PLAC1: variants seen among roughly 807,000 people sequenced by gnomAD.
PLAC1 encodes the protein placenta-specific protein 1.
For missense variants in PLAC1, 136 were observed against 163.2 expected (o/e 0.83, Z 0.91); for synonymous variants, 68 against 62.1 (o/e 1.09, Z -0.44).
At chrX:134,636,839 G>A (rs2078285627) in intron 1 of PLAC1, among the ~76,000 whole-genome samples, 2 of 112,090 alleles carry the variant, frequency 1.8e-5, no homozygotes, top group African/African-American at 3.2e-5. Context: ...TAAATGATGT[G>A]TTACCCTACA....
chrX:134,692,904 T>C (rs1312167259), intron 2 of PLAC1, among the ~76,000 whole-genome samples: 1 of 111,771 alleles, frequency 8.9e-6, no homozygotes, highest in Non-Finnish European at 1.9e-5. Context: ...GCAATCGGTG[T>C]CAACAATGTT....
intron 2 of PLAC1, among the ~76,000 whole-genome samples, chrX:134,576,139 T>C (rs1342947451): frequency 1.8e-5 from 2 of 108,806 alleles, no homozygotes; most frequent in Non-Finnish European, 3.8e-5. Context: ...ATGTATTCTA[T>C]ATCTATGTAT....
chrX:134,761,814 G>A (rs973912536), intron 1 of PLAC1, among the ~76,000 whole-genome samples: 1 of 111,667 alleles, frequency 9.0e-6, no homozygotes, highest in South Asian at 3.7e-4. Context: ...ATACAGAAGC[G>A]GACAAATTTA....
chrX:134,594,039 GT>G (rs1246593195), intron 2 of PLAC1, among the ~76,000 whole-genome samples: 1 of 111,004 alleles, frequency 9.0e-6, no homozygotes, highest in South Asian at 3.8e-4. Flanking sequence ...AGTTGTAGGG[GT>G]TTTTTTGCAG....
chrX:134,736,190 C>T (rs868438066), intron 1 of PLAC1, among the ~76,000 whole-genome samples: 25 of 109,911 alleles, frequency 2.3e-4, no homozygotes, highest in South Asian at 1.2e-3. Flanking sequence ...GCAGGAGAAT[C>T]GCTTGAACCT....
At chrX:134,722,565 C>T (rs1008740991) in intron 2 of PLAC1, among the ~76,000 whole-genome samples, 2 of 111,395 alleles carry the variant, frequency 1.8e-5, no homozygotes, top group South Asian at 7.5e-4. Context: ...ATGAGTTTCT[C>T]TTTGGGGATG....
At chrX:134,631,816 G>A (rs943365266) in intron 1 of PLAC1, among the ~76,000 whole-genome samples, 2 of 112,024 alleles carry the variant, frequency 1.8e-5, no homozygotes, top group Non-Finnish European at 1.9e-5. Context: ...GGGCTTTAAC[G>A]TTGCAGCTGG....
In PLAC1 at chrX:134,729,988, A is replaced by T. The variant is rs1159477106; in HGVS notation, n.174+3447T>A. On this transcript the variant is annotated intron_variant and non_coding_transcript_variant, in intron 2 of 2. Coordinates refer to the PLAC1 transcript ENST00000466797. The stretch of plus-strand genomic sequence containing the variant: ...GTATTTTTAGTAGAGACGGGGTTTC[A>T]CCATGTTGGCCAGGCTGGTCTCGAA... Among the ~76,000 whole-genome samples, 8 of 110,303 alleles carry T rather than the reference A, an allele frequency of 7.3e-5. No homozygotes were observed. In the Admixed American group the frequency reaches 7.7e-4, roughly 11 times the overall value.
intron 1 of PLAC1, among the ~76,000 whole-genome samples, chrX:134,604,801 G>A (rs2078114675): frequency 9.0e-6 from 1 of 111,340 alleles, no homozygotes; most frequent in Non-Finnish European, 1.9e-5. Flanking sequence ...ATTATGCAGG[G>A]CTATCATTCT....
intron 2 of PLAC1, among the ~76,000 whole-genome samples, chrX:134,578,935 T>C (rs1428235261): frequency 1.8e-5 from 2 of 110,805 alleles, no homozygotes; most frequent in African/African-American, 3.3e-5. Flanking sequence ...ATAGGGCAAA[T>C]GTTCAAAGTA....
intron 2 of PLAC1, among the ~76,000 whole-genome samples, chrX:134,600,466 C>T (rs1213249834): frequency 8.9e-6 from 1 of 111,832 alleles, no homozygotes. Context: ...TGTACCCCAC[C>T]CCTCAGAGCA....
Position 134,566,721 on chromosome X carries a change from A to G in PLAC1, c.-39T>C. The G allele has an allele frequency of 9.1e-7, 1 of 1,097,358 alleles. No homozygotes were observed. Among genetic ancestry groups the G allele is most frequent in the Non-Finnish European group, 1.2e-6 (1 of 815,402 alleles). 90.4% of individuals were successfully genotyped at this position (1,097,358 alleles called of 1,213,427 possible). ...CAGATAATGAACCACAGGAAACAGG[A>G]AGCCGTCCAGTGAGGATTTCTAGAG... On this transcript the variant is annotated 5_prime_UTR_variant, in exon 3 of 3. Transcript: ENST00000359237.
At chrX:134,637,979 G>A (rs1250056143) in intron 1 of PLAC1, among the ~76,000 whole-genome samples, 1 of 112,530 alleles carries the variant, frequency 8.9e-6, no homozygotes, top group Non-Finnish European at 1.9e-5. Context: ...AAGAAAAAAT[G>A]GATGACTGAA....
rs747715337 is a variant in PLAC1, at chrX:134,698,310, G to A, written n.174+35125C>T. ...CTACTAAAAATACCAAAAATTAGCC[G>A]GGTGTGGTGGCGCACACCTGTAATC... On this transcript the variant is annotated intron_variant and non_coding_transcript_variant, in intron 2 of 2. Coordinates refer to the PLAC1 transcript ENST00000466797. Among the ~76,000 whole-genome samples the A allele has an allele frequency of 2.4e-3, 265 of 110,507 alleles. 2 individuals are homozygous for A. The highest frequency in any genetic ancestry group is 4.6e-3 in the Non-Finnish European group (242 of 52,854).
chrX:134,744,281 CAAA>C (rs779609449), intron 1 of PLAC1, among the ~76,000 whole-genome samples: 3 of 51,407 alleles, frequency 5.8e-5, no homozygotes, highest in Non-Finnish European at 4.1e-5. Flanking sequence ...GACTCCATCT[CAAA>C]AAAAAAAAAA....
intron 1 of PLAC1, among the ~76,000 whole-genome samples, chrX:134,762,878 G>C (rs1454606687): frequency 9.7e-6 from 1 of 103,075 alleles, no homozygotes; most frequent in African/African-American, 3.5e-5. Context: ...AAGATAATTT[G>C]GTACACAAAT....
chrX:134,603,994 A>G (rs1271016918), intron 1 of PLAC1, among the ~76,000 whole-genome samples: 1 of 112,740 alleles, frequency 8.9e-6, no homozygotes, highest in South Asian at 3.6e-4. Context: ...AAACCAAGAC[A>G]CAGATTCACT....
intron 1 of PLAC1, among the ~76,000 whole-genome samples, chrX:134,738,294 G>A (rs775941450): frequency 4.5e-5 from 5 of 112,188 alleles, no homozygotes; most frequent in Non-Finnish European, 9.4e-5. Flanking sequence ...TGGCTTCAGG[G>A]AGAAGCACTT....
upstream of PLAC1, among the ~76,000 whole-genome samples, chrX:134,661,055 T>G (rs2078414815): frequency 9.0e-6 from 1 of 111,024 alleles, no homozygotes; most frequent in African/African-American, 3.3e-5. Context: ...TATCTGTGTA[T>G]GTATTGTATG....
Sources: allele counts gnomAD v4.1 joint callset (sites outside exome capture counted in the v4.1 genomes callset), GRCh38; gene constraint gnomAD v4.1.1; transcripts MANE v1.5; gene names NCBI Gene and HGNC (gene_info 2026-07-23, HGNC 2026-07-21).